FOXO3: variants seen among roughly 807,000 people sequenced by gnomAD.
The protein encoded by FOXO3 is forkhead box O3.
FOXO3 carries 4 observed loss-of-function variants against 41.9 expected under a neutral mutation model. The ratio of observed to expected loss-of-function variants is 0.10; its 90% CI spans 0.05 to 0.22. FOXO3 has a LOEUF of 0.22. Ranked by LOEUF, FOXO3 falls within the 10% of genes least tolerant of loss-of-function variation. FOXO3 has a pLI of 1.00. For missense variants in FOXO3, 534 were observed against 906.8 expected (o/e 0.59, Z 5.28); for synonymous variants, 318 against 389.3 (o/e 0.82, Z 2.16).
chr6:108,569,357 C>T (rs1226362468), intron 1 of FOXO3, among the ~76,000 whole-genome samples: 1 of 152,180 alleles, frequency 6.6e-6, no homozygotes, highest in African/African-American at 2.4e-5. Flanking sequence ...GACCAAACAA[C>T]GTTCATTTCC....
intron 1 of FOXO3, among the ~76,000 whole-genome samples, chr6:108,565,181 C>CT (rs1285905393): frequency 6.6e-6 from 1 of 152,138 alleles, no homozygotes; most frequent in East Asian, 1.9e-4. Context: ...TGTCCAGTGC[C>CT]TGTCAGTAGG....
intron 2 of FOXO3, among the ~76,000 whole-genome samples, chr6:108,669,459 T>A (rs1779153095): frequency 1.3e-5 from 2 of 152,216 alleles, no homozygotes; most frequent in African/African-American, 2.4e-5. Flanking sequence ...GAATGTAACA[T>A]CTGATAAATA....
intron 2 of FOXO3, among the ~76,000 whole-genome samples, chr6:108,677,750 C>T (rs3800232): frequency 0.15 from 22,476 of 152,016 alleles, 1,845 homozygotes; most frequent in South Asian, 0.28. Flanking sequence ...GAAACGCTAT[C>T]TAATCATTCA....
intron 2 of FOXO3, among the ~76,000 whole-genome samples, chr6:108,668,490 C>T (rs895013241): frequency 6.6e-6 from 1 of 152,136 alleles, no homozygotes; most frequent in Non-Finnish European, 1.5e-5. Flanking sequence ...GCTGCAAGCT[C>T]GAGCTTCCGG....
At chr6:108,598,577 CACA>C (rs1776957027) in intron 1 of FOXO3, among the ~76,000 whole-genome samples, 1 of 152,126 alleles carries the variant, frequency 6.6e-6, no homozygotes, top group South Asian at 2.1e-4. Flanking sequence ...CAAAGTTACG[CACA>C]ACATGAGTCA....
chr6:108,645,598 G>A (rs1778374310), intron 1 of FOXO3, among the ~76,000 whole-genome samples: 1 of 151,922 alleles, frequency 6.6e-6, no homozygotes. Context: ...TAAAACTTCA[G>A]GGCCAGGAGG....
chr6:108,678,721 A>AT (rs2128393314), intron 2 of FOXO3, among the ~76,000 whole-genome samples: 1 of 151,876 alleles, frequency 6.6e-6, no homozygotes, highest in East Asian at 1.9e-4. Context: ...TTTTCTCCAA[A>AT]TTTGTAATAC....
At chr6:108,669,851 G>C (rs1779164530) in intron 2 of FOXO3, among the ~76,000 whole-genome samples, 1 of 152,316 alleles carries the variant, frequency 6.6e-6, no homozygotes, top group South Asian at 2.1e-4. Flanking sequence ...GACAGAGCCT[G>C]AGTGGCTCCT....
At chr6:108,652,683 T>G (rs920604314) in intron 1 of FOXO3, among the ~76,000 whole-genome samples, 4 of 152,246 alleles carry the variant, frequency 2.6e-5, no homozygotes, top group African/African-American at 9.6e-5. Context: ...TGAGATCAAA[T>G]TTGTCAAGCA....
chr6:108,567,862 C>A (rs1183713619), intron 1 of FOXO3, among the ~76,000 whole-genome samples: 1 of 152,186 alleles, frequency 6.6e-6, no homozygotes, highest in Non-Finnish European at 1.5e-5. Flanking sequence ...GCCTTACCAA[C>A]ATGGTGAAAC....
chr6:108,586,073 G>A (rs1776572713), intron 1 of FOXO3, among the ~76,000 whole-genome samples: 2 of 152,280 alleles, frequency 1.3e-5, no homozygotes, highest in South Asian at 2.1e-4. Flanking sequence ...CTGGAAAAGC[G>A]AAGATCACTT....
intron 1 of FOXO3, among the ~76,000 whole-genome samples, chr6:108,579,230 A>C (rs992150941): frequency 6.6e-6 from 1 of 152,128 alleles, no homozygotes; most frequent in Non-Finnish European, 1.5e-5. Flanking sequence ...ATCCAAGATG[A>C]TATGGCTTGA....
At chr6:108,676,815 A>G (rs768516951) in intron 2 of FOXO3, among the ~76,000 whole-genome samples, 111 of 152,254 alleles carry the variant, frequency 7.3e-4, no homozygotes, top group Non-Finnish European at 1.4e-3. Context: ...CAGGAGAGCC[A>G]TTAAAAATCT....
intron 1 of FOXO3, among the ~76,000 whole-genome samples, chr6:108,575,968 C>T (rs968805996): frequency 3.9e-5 from 6 of 152,132 alleles, no homozygotes; most frequent in Non-Finnish European, 8.8e-5. Context: ...AATTGACTTA[C>T]GAAAATGTCA....
intron 1 of FOXO3, among the ~76,000 whole-genome samples, chr6:108,649,792 C>T (rs1043770366): frequency 6.6e-6 from 1 of 152,100 alleles, no homozygotes; most frequent in Non-Finnish European, 1.5e-5. Context: ...GAGCTTGTGT[C>T]TAGAGAAACA....
rs1412427323 is a variant in FOXO3 at position 108,681,003 on chromosome 6, T to C, written c.*1211T>C. 1 of 152,630 alleles carries C rather than the reference T, an allele frequency of 6.6e-6. No individual in the cohort carries two copies. Among genetic ancestry groups the C allele is most frequent in the Non-Finnish European group, 1.5e-5 (1 of 68,038 alleles). The allele number at this position is 152,630 out of a possible 1,614,324, so 9.5% of individuals were successfully genotyped here. A position where few individuals can be genotyped will look rare whatever the true frequency, so the allele number is the denominator to read the frequency against. Reference sequence around the variant, plus strand: ...CTGATTTTTTAAATATAAGCTTAGGTTGTAATTGTACAAGTGACTCAATGG... The same window carrying C: ...CTGATTTTTTAAATATAAGCTTAGGCTGTAATTGTACAAGTGACTCAATGG... On this transcript the variant is annotated 3_prime_UTR_variant, in exon 3 of 3. Transcript: ENST00000406360.
chr6:108,628,120 A>T (rs1777864416), intron 1 of FOXO3, among the ~76,000 whole-genome samples: 1 of 150,220 alleles, frequency 6.7e-6, no homozygotes. Flanking sequence ...AAAGCCTGGC[A>T]GAGACCAAGT....
At chr6:108,603,065 G>GT (rs2128367004) in intron 1 of FOXO3, among the ~76,000 whole-genome samples, 1 of 151,624 alleles carries the variant, frequency 6.6e-6, no homozygotes, top group South Asian at 2.1e-4. Flanking sequence ...TTCATTCAAT[G>GT]TAAGACTTTT....
At chr6:108,595,635 T>C (rs1162464803) in intron 1 of FOXO3, among the ~76,000 whole-genome samples, 2 of 152,212 alleles carry the variant, frequency 1.3e-5, no homozygotes, top group Admixed American at 1.3e-4. Context: ...ATAGATTGTT[T>C]ACCCTTGAAA....
Sources: allele counts gnomAD v4.1 joint callset (sites outside exome capture counted in the v4.1 genomes callset), GRCh38; gene constraint gnomAD v4.1.1; transcripts MANE v1.5; gene names NCBI Gene and HGNC (gene_info 2026-07-23, HGNC 2026-07-21).